FAM168A: variants seen among roughly 807,000 people sequenced by gnomAD.
FAM168A encodes the protein family with sequence similarity 168 member A, also known as protein FAM168A.
FAM168A carries 3 observed loss-of-function variants against 28.5 expected under a neutral mutation model. That is an observed-to-expected ratio of 0.11 (90% confidence interval 0.05 to 0.27). The LOEUF is 0.27. Ranked by LOEUF, FAM168A falls within the 10% of genes least tolerant of loss-of-function variation. The pLI is 1.00. For synonymous variants in FAM168A, 122 were observed against 124.2 expected, an observed-to-expected ratio of 0.98 and a Z score of 0.12; for missense variants, 222 against 311.5, an observed-to-expected ratio of 0.71 and a Z score of 2.16.
chr11:73,470,590 C>T (rs1354445884), intron 1 of FAM168A, among the ~76,000 whole-genome samples: 2 of 152,078 alleles, frequency 1.3e-5, no homozygotes, highest in African/African-American at 2.4e-5. Flanking sequence ...CAAAAGGATG[C>T]GTTTGGCCCC....
At chr11:73,482,292 GC>G (rs1280884537) in intron 1 of FAM168A, among the ~76,000 whole-genome samples, 1 of 149,140 alleles carries the variant, frequency 6.7e-6, no homozygotes, top group Non-Finnish European at 1.5e-5. Context: ...AGGGCTCTGA[GC>G]AAAACCCAAG....
rs551084331 is a variant in FAM168A, at chr11:73,516,332, G to A, written c.-18-47840C>T. Among the ~76,000 whole-genome samples, 21 of 152,204 alleles carry A rather than the reference G, an allele frequency of 1.4e-4. No individual in the cohort carries two copies. In the South Asian group the frequency reaches 4.4e-3, roughly 32 times the overall value. ...TTTCAATTTTTTCATTTGTAAAATG[G>A]AGAATAAAACCACTTACTTTACTGG... On this transcript the variant is annotated intron_variant, in intron 1 of 7. Coordinates refer to ENST00000356467, the MANE Select transcript of FAM168A (RefSeq NM_015159.3).
At chr11:73,465,551 T>C (rs1422241218) in intron 2 of FAM168A, among the ~76,000 whole-genome samples, 2 of 79,400 alleles carry the variant, frequency 2.5e-5, no homozygotes, top group Non-Finnish European at 4.6e-5. Context: ...CTCTGGAGGG[T>C]AGAAGTCCAA....
At chr11:73,438,360 A>C (rs998504284) in intron 2 of FAM168A, among the ~76,000 whole-genome samples, 8 of 152,232 alleles carry the variant, frequency 5.3e-5, no homozygotes, top group Admixed American at 3.3e-4. Context: ...TTAGAGAAAT[A>C]AACATTTTAG....
rs1285632345 is a variant in FAM168A at position 73,559,883 on chromosome 11, T to C, written c.-19+38040A>G. ...GTTTTGTTATCTTTCTTCTTCCCAT[T>C]GCCAAGTTGTAATCAAGCATTGCTT... On this transcript the variant is annotated intron_variant, in intron 1 of 7. Transcript: ENST00000356467. Among the ~76,000 whole-genome samples, 3 of 152,190 alleles carry C rather than the reference T, an allele frequency of 2.0e-5. No homozygotes were observed. The East Asian group carries it at 5.8e-4, about 29-fold the overall frequency.
At chr11:73,487,888 C>T (rs1427352288) in intron 1 of FAM168A, among the ~76,000 whole-genome samples, 1 of 152,102 alleles carries the variant, frequency 6.6e-6, no homozygotes, top group East Asian at 1.9e-4. Context: ...TCCTCGTACC[C>T]TCACCTCTCT....
intron 3 of FAM168A, among the ~76,000 whole-genome samples, chr11:73,429,009 A>C (rs1291286487): frequency 6.6e-6 from 1 of 152,224 alleles, no homozygotes; most frequent in Non-Finnish European, 1.5e-5. Context: ...GTTTGTCCAA[A>C]AAACAGGGGC....
intron 4 of FAM168A, among the ~76,000 whole-genome samples, chr11:73,412,957 C>T (rs1866638846): frequency 6.6e-6 from 1 of 152,170 alleles, no homozygotes; most frequent in African/African-American, 2.4e-5. Flanking sequence ...GGCTTTCCCC[C>T]TAATTTTTCA....
chr11:73,450,447 C>T (rs1476327923), intron 2 of FAM168A, among the ~76,000 whole-genome samples: 1 of 152,304 alleles, frequency 6.6e-6, no homozygotes, highest in East Asian at 1.9e-4. Flanking sequence ...CAAGAATTAG[C>T]ATTTCTAGTA....
At chr11:73,561,943 TTTC>T (rs887555485) in intron 1 of FAM168A, among the ~76,000 whole-genome samples, 3 of 152,048 alleles carry the variant, frequency 2.0e-5, no homozygotes, top group African/African-American at 7.3e-5. Context: ...ACAGGAGGAT[TTTC>T]TTTTTTTTTT....
At chr11:73,457,795 T>C (rs1867569508) in intron 2 of FAM168A, among the ~76,000 whole-genome samples, 1 of 150,292 alleles carries the variant, frequency 6.7e-6, no homozygotes, top group African/African-American at 2.4e-5. Flanking sequence ...AATGGTAAAT[T>C]TTGTATTACA....
intron 1 of FAM168A, among the ~76,000 whole-genome samples, chr11:73,531,211 G>A (rs577256090): frequency 6.6e-6 from 1 of 152,204 alleles, no homozygotes; most frequent in Admixed American, 6.5e-5. Flanking sequence ...TTGAACAGAG[G>A]GTTAAACAAC....
intron 2 of FAM168A, among the ~76,000 whole-genome samples, chr11:73,449,259 C>T (rs1433032860): frequency 2.0e-5 from 3 of 152,156 alleles, no homozygotes; most frequent in South Asian, 2.1e-4. Flanking sequence ...CATGAGGCAC[C>T]GCACCTGGCC....
At chr11:73,502,369 C>T (rs1855025525) in intron 1 of FAM168A, among the ~76,000 whole-genome samples, 1 of 152,124 alleles carries the variant, frequency 6.6e-6, no homozygotes, top group Non-Finnish European at 1.5e-5. Flanking sequence ...ATAAACACCT[C>T]TACACAAATA....
chr11:73,412,998 T>C (rs988596128), intron 4 of FAM168A, among the ~76,000 whole-genome samples: 15 of 152,248 alleles, frequency 9.9e-5, no homozygotes, highest in African/African-American at 3.6e-4. Flanking sequence ...GGCCTTAGTT[T>C]CTTATTTTGT....
chr11:73,497,254 C>G (rs534213695), intron 1 of FAM168A, among the ~76,000 whole-genome samples: 2 of 152,136 alleles, frequency 1.3e-5, no homozygotes, highest in East Asian at 3.9e-4. Context: ...ATCACGAGGT[C>G]AGGAGATCCA....
intron 2 of FAM168A, among the ~76,000 whole-genome samples, chr11:73,438,787 A>G (rs1236653050): frequency 6.6e-6 from 1 of 152,194 alleles, no homozygotes; most frequent in Non-Finnish European, 1.5e-5. Context: ...CTAAAACACT[A>G]GCAATAGGAT....
chr11:73,594,011 T>TTAAA (rs905763553), intron 1 of FAM168A, among the ~76,000 whole-genome samples: 1 of 152,210 alleles, frequency 6.6e-6, no homozygotes, highest in African/African-American at 2.4e-5. Context: ...CAGACATTCA[T>TTAAA]TAAATAAATA....
intron 2 of FAM168A, 138 bp from the exon 3 acceptor site, chr11:73,430,908 T>G: frequency 3.3e-6 from 2 of 615,086 alleles, no homozygotes; most frequent in Middle Eastern, 4.5e-4. Context: ...CCATGGGCTA[T>G]TCCAGATAGT....
Sources: allele counts gnomAD v4.1 joint callset (sites outside exome capture counted in the v4.1 genomes callset), GRCh38; gene constraint gnomAD v4.1.1; transcripts MANE v1.5; gene names NCBI Gene and HGNC (gene_info 2026-07-23, HGNC 2026-07-21).